FERMT1: variants seen among roughly 807,000 people sequenced by gnomAD.
The protein encoded by FERMT1 is FERM domain containing kindlin 1.
In FERMT1, 60 loss-of-function variants were observed where a neutral mutation model predicts 85.3. That is an observed-to-expected ratio of 0.70 (90% CI 0.57 to 0.87). The LOEUF (loss-of-function observed/expected upper bound fraction) is 0.87, where lower values mean the gene tolerates loss of function less well. Among genes scored for constraint, FERMT1 ranks in the 40% least tolerant of loss-of-function variants. The pLI, the probability that FERMT1 is intolerant of heterozygous loss-of-function variation, is 0.00. For synonymous variants in FERMT1, 275 were observed against 301.1 expected (o/e 0.91, Z 0.90); for missense variants, 701 against 818.9 (o/e 0.86, Z 1.76).
At chr20:6,108,110 C>A (rs902975363) in intron 5 of FERMT1, among the ~76,000 whole-genome samples, 6 of 152,222 alleles carry the variant, frequency 3.9e-5, no homozygotes, top group Non-Finnish European at 8.8e-5. Flanking sequence ...AGGTGATCTG[C>A]CTGCCTTGGC....
chr20:6,089,121 C>T (rs1315192449), intron 9 of FERMT1, 32 bp from the exon 10 acceptor site: 1 of 1,604,122 alleles, frequency 6.2e-7, no homozygotes, highest in African/African-American at 1.3e-5. Flanking sequence ...ATGTTTAAAC[C>T]ACCACCCAGA....
rs1288614101 is a variant in FERMT1, at chr20:6,117,492, G to A, written c.152-1448C>T. ...TCTGTTGCCCAGGCTGGAGTGCAGT[G>A]GTGTAATCTCAGCTCACTGCAACCT... On this transcript the variant is annotated intron_variant, in intron 2 of 14. Coordinates refer to ENST00000217289, the MANE Select transcript of FERMT1 (RefSeq NM_017671.5). 3.3e-5 allele frequency among the ~76,000 whole-genome samples: 5 copies of A among 151,584 alleles called. No individual in the cohort carries two copies. The East Asian group carries it at 7.8e-4, about 24-fold the overall frequency.
chr20:6,112,769 A>G (rs1800558693), intron 3 of FERMT1, 146 bp from the exon 4 acceptor site: 1 of 572,852 alleles, frequency 1.7e-6, no homozygotes, highest in Admixed American at 3.3e-5. Context: ...TTGAAGAAAC[A>G]GAAGGGGAAA....
intron 11 of FERMT1, 41 bp downstream of exon 11, chr20:6,087,736 G>T: frequency 9.1e-7 from 1 of 1,096,690 alleles, no homozygotes; most frequent in Non-Finnish European, 1.4e-6. Context: ...CTTAGGCTTA[G>T]TGGAGGTGAA....
chr20:6,105,365 A>T (rs1182310138), intron 6 of FERMT1, among the ~76,000 whole-genome samples: 1 of 152,216 alleles, frequency 6.6e-6, no homozygotes, highest in Non-Finnish European at 1.5e-5. Flanking sequence ...AGCTTGTATG[A>T]GGAAACACAA....
At position 6,096,957 on chromosome 20, in the gene FERMT1, G is replaced by A. The variant is rs150581071; in HGVS notation, c.1034C>T (p.Ala345Val). ...AGESEVDEIEAALSNLEVTLE... is the reference protein window; with the variant it reads ...AGESEVDEIEVALSNLEVTLE... ...GGTTACTTCCAAATTAGAAAGCGCC[G>A]CTTCTATTTCATCAACCTCGGACTC... Residue 345 changes from alanine to valine, a missense_variant, in exon 8 of 15, where the codon GCG becomes GTG. Physicochemically the swap from Ala to Val is moderately conservative, Grantham distance 64 (BLOSUM62 0). Transcript: ENST00000217289. The A allele has an allele frequency of 2.7e-5, 44 of 1,613,696 alleles. No individual in the cohort carries two copies. Among genetic ancestry groups the A allele is most frequent in the African/African-American group, 8.0e-5 (6 of 74,866 alleles).
At chr20:6,083,251 G>A (rs1412202186) in intron 13 of FERMT1, among the ~76,000 whole-genome samples, 1 of 152,172 alleles carries the variant, frequency 6.6e-6, no homozygotes, top group Non-Finnish European at 1.5e-5. Flanking sequence ...CATAGTGCTA[G>A]GCGGGGATAA....
At position 6,094,934 on chromosome 20, in the gene FERMT1, CT is replaced by C. The variant is rs1413963526; in HGVS notation, c.1139+4del. The C allele has an allele frequency of 6.9e-7, 1 of 1,453,412 alleles. No homozygotes were observed. The highest frequency in any genetic ancestry group is 1.1e-5 in the South Asian group (1 of 87,640). 90.0% of individuals were successfully genotyped at this position (1,453,412 alleles called of 1,614,324 possible). A position where few individuals can be genotyped will look rare whatever the true frequency, so the allele number is the denominator to read the frequency against. ...AACTCCTTTTCCCCATAAAAGTTTACTTACCTAAATAATTTGAGATTATCTG... is the reference window on the plus strand; with the variant it reads ...AACTCCTTTTCCCCATAAAAGTTTACTACCTAAATAATTTGAGATTATCTG... On this transcript the variant is annotated splice_donor_region_variant and intron_variant, in intron 9 of 14. Transcript: ENST00000217289.
chr20:6,082,465 G>T (rs1037556751), intron 13 of FERMT1, among the ~76,000 whole-genome samples: 1 of 152,138 alleles, frequency 6.6e-6, no homozygotes, highest in Non-Finnish European at 1.5e-5. Context: ...TGACTTCAGG[G>T]TTACAGGTGA....
intron 6 of FERMT1, 24 bp downstream of exon 6, chr20:6,107,508 G>T: frequency 1.4e-6 from 2 of 1,410,536 alleles, no homozygotes; most frequent in South Asian, 1.2e-5. Context: ...AAAAGAGAAA[G>T]ACAAAAGAGA....
rs141520805 is a variant in FERMT1 at position 6,100,352 on chromosome 20, C to T, written c.850-2721G>A. On this transcript the variant is annotated intron_variant, in intron 6 of 14. Transcript: ENST00000217289. ...AGTGAAAAAAATTATTCATAAAGTA[C>T]CACATTTTGTGTAATTCCACTTATA... is the stretch of plus-strand genomic sequence containing the variant. 3.8e-4 allele frequency among the ~76,000 whole-genome samples: 58 copies of T among 152,018 alleles called. 2 individuals carry two copies. Among genetic ancestry groups the T allele is most frequent in the Non-Finnish European group, 1.5e-5 (1 of 67,986 alleles).
At chr20:6,078,951 T>C (rs1051511051) in intron 14 of FERMT1, among the ~76,000 whole-genome samples, 2 of 152,188 alleles carry the variant, frequency 1.3e-5, no homozygotes, top group African/African-American at 4.8e-5. Flanking sequence ...TGGACCTCAC[T>C]TTCTTCTTCA....
intron 3 of FERMT1, among the ~76,000 whole-genome samples, chr20:6,114,592 G>A (rs76382935): frequency 0.089 from 13,585 of 152,196 alleles, 772 homozygotes; most frequent in Middle Eastern, 0.19. Context: ...AACACAAGGT[G>A]TCCTCATGCT....
chr20:6,079,513 C>A lies in FERMT1; in HGVS notation c.1783G>T (p.Ala595Ser), dbSNP rs1267354335. The A allele has an allele frequency of 1.2e-6, 2 of 1,613,832 alleles. No individual in the cohort carries two copies. The highest frequency in any genetic ancestry group is 1.7e-6 in the Non-Finnish European group (2 of 1,179,830). Residue 595 changes from alanine (A) to serine (S), a missense_variant, in exon 14 of 15, where the codon GCA (alanine) becomes TCA (serine). Coordinates refer to ENST00000217289, the MANE Select transcript of FERMT1 (RefSeq NM_017671.5). ...VSYNRLIKID[A>S]ATGIPVTTWR... The stretch of plus-strand genomic sequence containing the variant: ...GTTGTCACTGGAATCCCGGTGGCTG[C>A]ATCAATTTTAATCAACCTGTTATAT...
chr20:6,088,293 C>A (rs1982242276), intron 10 of FERMT1, among the ~76,000 whole-genome samples: 1 of 152,112 alleles, frequency 6.6e-6, no homozygotes, highest in African/African-American at 2.4e-5. Context: ...CTCACAGTGA[C>A]CTTCAGAAAT....
chr20:6,083,688 T>A (rs1411395428), intron 13 of FERMT1, among the ~76,000 whole-genome samples: 7 of 77,414 alleles, frequency 9.0e-5, no homozygotes, highest in Admixed American at 3.1e-4. Flanking sequence ...CCACACCCGA[T>A]CTCTTAAAAA....
chr20:6,082,495 T>G (rs1163410684), intron 13 of FERMT1, among the ~76,000 whole-genome samples: 1 of 152,202 alleles, frequency 6.6e-6, no homozygotes, highest in African/African-American at 2.4e-5. Context: ...TGTCCGCACA[T>G]GGACACATAT....
At chr20:6,112,278 G>A (rs1485728631) in intron 4 of FERMT1, among the ~76,000 whole-genome samples, 199 bp downstream of exon 4, 2 of 151,992 alleles carry the variant, frequency 1.3e-5, no homozygotes, top group African/African-American at 4.8e-5. Context: ...TTCAAGTAAT[G>A]AGTTATTAAA....
At chr20:6,080,932 A>G (rs940359157) in intron 13 of FERMT1, among the ~76,000 whole-genome samples, 3 of 152,174 alleles carry the variant, frequency 2.0e-5, no homozygotes, top group Non-Finnish European at 4.4e-5. Flanking sequence ...CATATAAATG[A>G]AGTCAAAAGA....
Sources: gnomAD v4.1 joint callset for allele counts (sites outside exome capture counted in the v4.1 genomes callset) on GRCh38, gnomAD v4.1.1 for gene constraint, MANE v1.5 for transcripts, NCBI Gene and HGNC (gene_info 2026-07-23, HGNC 2026-07-21) for gene names.